Variants in ABTB2 observed in about 807,000 individuals in gnomAD.
ABTB2 encodes the protein ankyrin repeat and BTB domain containing 2, also known as ankyrin repeat and BTB/POZ domain-containing protein 2.
ABTB2 carries 56 observed loss-of-function variants against 104.1 expected under a neutral mutation model. The ratio of observed to expected loss-of-function variants is 0.54; its 90% CI spans 0.43 to 0.67. The LOEUF is 0.67. ABTB2 is among the 30% of genes least tolerant of loss of function. The pLI is 0.00. For synonymous variants in ABTB2, 606 were observed against 608.2 expected, an observed-to-expected ratio of 1.00 and a Z score of 0.05; for missense variants, 1,279 against 1,407.7, an observed-to-expected ratio of 0.91 and a Z score of 1.46.
In ABTB2 at chr11:34,173,215, T is replaced by A; in HGVS notation, c.1337A>T (p.Asp446Val). 6.2e-7 allele frequency: 1 copy of A among 1,613,654 alleles called. No individual in the cohort carries two copies. Among genetic ancestry groups the A allele is most frequent in the Non-Finnish European group, 8.5e-7 (1 of 1,179,920 alleles). Residue 446 changes from aspartate to valine, a missense_variant, in exon 4 of 17, where the codon GAC (aspartate) becomes GTC (valine). Physicochemically the swap from Asp to Val is radical, Grantham distance 152. Transcript: ENST00000435224. Reference protein sequence around the residue: ...HRRSLTVDSGDIRQAARLLLP... With the variant: ...HRRSLTVDSGVIRQAARLLLP... ...CAGCAGCCGGGCTGCCTGCCGGATG[T>A]CGCCGCTGTCCACGGTGAGGCTGCG... is the stretch of plus-strand genomic sequence containing the variant.
rs1320861056 is a variant in ABTB2 at position 34,356,285 on chromosome 11, G to C, written c.883+416C>G. Among the ~76,000 whole-genome samples the C allele has an allele frequency of 6.6e-6, 1 of 152,164 alleles. No individual in the cohort carries two copies. The highest frequency in any genetic ancestry group is 1.9e-4 in the East Asian group (1 of 5,194). ...CCCTTTGGTTGCTGCTATTGAGCTG[G>C]GGAAAACTAGGGGGCAGAATCAGTC... On this transcript the variant is annotated intron_variant, in intron 1 of 16. Transcript: ENST00000435224. This position sits in a 1 kb window ranked among gnomAD's most constrained non-coding sequence, Gnocchi z 4.6.
intron 1 of ABTB2, among the ~76,000 whole-genome samples, chr11:34,259,674 AT>A (rs1854165650): frequency 6.6e-6 from 1 of 152,220 alleles, no homozygotes; most frequent in Non-Finnish European, 1.5e-5. Context: ...GACCGGTTAC[AT>A]TAATCAGAAA....
chr11:34,277,646 T>C (rs567294811), intron 1 of ABTB2, among the ~76,000 whole-genome samples: 5,345 of 10,034 alleles, frequency 0.53, 357 homozygotes, highest in African/African-American at 0.54. Flanking sequence ...CCAGGTGTGG[T>C]GGTCACACCT....
rs1852601606 is a variant in ABTB2, at chr11:34,154,956, A to G, written c.2698-187T>C. ...GTGTTTTCCCGGGGAAGCCAACTCC[A>G]AGACCCTCTCTCCTGAGTCCCTGCC... On this transcript the variant is annotated intron_variant, in intron 14 of 16. Coordinates refer to ENST00000435224, the MANE Select transcript of ABTB2 (RefSeq NM_145804.3). The surrounding 1 kb of genome is among the most constrained non-coding windows in gnomAD (Gnocchi z 4.9). Among the ~76,000 whole-genome samples the G allele has an allele frequency of 6.6e-6, 1 of 152,102 alleles. No individual in the cohort carries two copies. The highest frequency in any genetic ancestry group is 1.5e-5 in the Non-Finnish European group (1 of 68,002).
intron 5 of ABTB2, among the ~76,000 whole-genome samples, chr11:34,169,578 C>A (rs372293107): frequency 6.6e-6 from 1 of 152,226 alleles, no homozygotes; most frequent in African/African-American, 2.4e-5. Context: ...CACGGGCTTC[C>A]ACACTGTGCT....
chr11:34,293,957 C>T (rs185437730), intron 1 of ABTB2, among the ~76,000 whole-genome samples: 234 of 152,286 alleles, frequency 1.5e-3, no homozygotes, highest in Middle Eastern at 0.01. Context: ...AAAATGTTAA[C>T]ACTTGGGAAT....
intron 1 of ABTB2, among the ~76,000 whole-genome samples, chr11:34,302,897 T>A (rs559725014): frequency 2.2e-4 from 34 of 152,254 alleles, no homozygotes; most frequent in African/African-American, 7.9e-4. Flanking sequence ...CAGTTATAAA[T>A]GGGAACCTCT....
Position 34,272,302 on chromosome 11 carries a change from C to CAAAAA in ABTB2, c.884-67617_884-67613dup, listed in dbSNP as rs60997940. On this transcript the variant is annotated intron_variant, in intron 1 of 16. Coordinates refer to ENST00000435224, the MANE Select transcript of ABTB2 (RefSeq NM_145804.3). ...ATAATTATAGAGTCACAGGAAGCTG[C>CAAAAA]AAAAAAAAAAAAAAAAAAAGAATAC... 8.9e-4 allele frequency among the ~76,000 whole-genome samples: 72 copies of CAAAAA among 80,686 alleles called. 1 individual carries two copies. The highest frequency in any genetic ancestry group is 2.2e-3 in the African/African-American group (57 of 26,190). The allele number at this position is 80,686 out of a possible 152,430, so 52.9% of individuals were successfully genotyped here. A position where few individuals can be genotyped will look rare whatever the true frequency, so the allele number is the denominator to read the frequency against.
chr11:34,357,456 T>C lies in ABTB2; in HGVS notation c.128A>G (p.Asn43Ser), dbSNP rs1855482338. Residue 43 changes from asparagine to serine, a missense_variant, in exon 1 of 17, where the codon AAC becomes AGC. Physicochemically the swap from Asn to Ser is conservative, Grantham distance 46. Transcript: ENST00000435224. ...CCCGCGGTGCTGCTGCGCCGAAGAG[T>C]TGAGCGCCTGCGAGTTGGACTTGGA... is the stretch of plus-strand genomic sequence containing the variant. ...SSSKSNSQAL[N>S]SSAQQHRGAA... 3 of 1,547,460 alleles carry C rather than the reference T, an allele frequency of 1.9e-6. No individual in the cohort carries two copies. The highest frequency in any genetic ancestry group is 1.4e-5 in the African/African-American group (1 of 72,910).
At position 34,165,476 on chromosome 11, in the gene ABTB2, T is replaced by C. The variant is rs1334565550; in HGVS notation, c.1756-120A>G. On this transcript the variant is annotated intron_variant, in intron 7 of 16. Transcript: ENST00000435224. ...CTCCAGGCATGTGACCAAGACACAG[T>C]TCACCCCAGCAGCTGAGGAACTGGA... The C allele has an allele frequency of 4.1e-6, 3 of 728,518 alleles. No individual in the cohort carries two copies. In the African/African-American group the frequency reaches 5.3e-5, roughly 13 times the overall value. The allele number at this position is 728,518 out of a possible 1,614,324, so 45.1% of individuals were successfully genotyped here.
At chr11:34,175,316 C>T (rs903967686) in intron 3 of ABTB2, among the ~76,000 whole-genome samples, 13 of 152,312 alleles carry the variant, frequency 8.5e-5, no homozygotes, top group South Asian at 6.2e-4. Flanking sequence ...ATATCCTAAG[C>T]GAAAACGCAT....
rs769310495 is a variant in ABTB2, at chr11:34,152,601, G to A, written c.2881-17C>T. 25 of 1,597,088 alleles carry A rather than the reference G, an allele frequency of 1.6e-5. No homozygotes were observed. The South Asian group carries it at 2.6e-4, about 16-fold the overall frequency. The stretch of plus-strand genomic sequence containing the variant: ...ATTGTGGATCTGTAGGGCAGAGAGA[G>A]GAGGGGTGAAGCCCATCGCCTTAGT... On this transcript the variant is annotated splice_polypyrimidine_tract_variant and intron_variant, in intron 16 of 16. Transcript: ENST00000435224.
intron 14 of ABTB2, among the ~76,000 whole-genome samples, chr11:34,157,993 A>G (rs575273174): frequency 1.2e-3 from 179 of 152,274 alleles, no homozygotes; most frequent in Admixed American, 2.3e-3. Flanking sequence ...TGACTCCTCT[A>G]CCAAGAGGGG....
chr11:34,301,812 C>T (rs1444183706), intron 1 of ABTB2, among the ~76,000 whole-genome samples: 2 of 152,156 alleles, frequency 1.3e-5, no homozygotes, highest in African/African-American at 4.8e-5. Flanking sequence ...TTGGATGAAA[C>T]TACATCTCTA....
chr11:34,170,371 C>T (rs926449896), intron 5 of ABTB2, among the ~76,000 whole-genome samples: 1 of 152,176 alleles, frequency 6.6e-6, no homozygotes, highest in Non-Finnish European at 1.5e-5. Flanking sequence ...AAAACAGATG[C>T]GAAACTCAAG....
At chr11:34,214,940 G>C (rs1039823092) in intron 1 of ABTB2, among the ~76,000 whole-genome samples, 1 of 152,184 alleles carries the variant, frequency 6.6e-6, no homozygotes, top group African/African-American at 2.4e-5. Context: ...AACTCAGGGA[G>C]AACCCATTCT....
At chr11:34,286,279 G>C (rs926108435) in intron 1 of ABTB2, among the ~76,000 whole-genome samples, 1 of 151,786 alleles carries the variant, frequency 6.6e-6, no homozygotes, top group Non-Finnish European at 1.5e-5. Flanking sequence ...GCATCACGGT[G>C]AGACCCTACT....
At chr11:34,159,183 G>A in intron 14 of ABTB2, 113 bp downstream of exon 14, 1 of 761,928 alleles carries the variant, frequency 1.3e-6, no homozygotes, top group South Asian at 1.7e-5. Flanking sequence ...ACAGAATACA[G>A]AAGGCACTGG....
At chr11:34,160,112 G>T in intron 12 of ABTB2, 104 bp from the exon 13 acceptor site, 2 of 1,260,996 alleles carry the variant, frequency 1.6e-6, no homozygotes, top group Non-Finnish European at 2.3e-6. Context: ...GTGGGACACA[G>T]AGGTGAGGAA....
Sources: allele counts gnomAD v4.1 joint callset (sites outside exome capture counted in the v4.1 genomes callset), GRCh38; gene constraint gnomAD v4.1.1; non-coding constraint Gnocchi (gnomAD v3.1); transcripts MANE v1.5; gene names NCBI Gene and HGNC (gene_info 2026-07-23, HGNC 2026-07-21).